Variants in SCAP observed in about 807,000 individuals in gnomAD.
The protein encoded by SCAP is SREBF chaperone.
Under a neutral mutation model 123.6 loss-of-function variants are expected in SCAP, and 65 were observed. The ratio of observed to expected loss-of-function variants is 0.53; its 90% CI spans 0.43 to 0.65. The LOEUF is 0.65. SCAP is among the 30% of genes least tolerant of loss of function. The pLI, the probability that SCAP is intolerant of heterozygous loss-of-function variation, is 0.00. For missense variants in SCAP, 1,398 were observed against 1,712.5 expected (o/e 0.82, Z 3.24); for synonymous variants, 740 against 726.3 (o/e 1.02, Z -0.30).
chr3:47,418,479 G>A lies in SCAP; in HGVS notation c.2173C>T (p.Leu725=). 1 of 1,600,838 alleles carries A rather than the reference G, an allele frequency of 6.2e-7. No individual in the cohort carries two copies. The highest frequency in any genetic ancestry group is 8.5e-7 in the Non-Finnish European group (1 of 1,175,602). ...GLATGIVLVL[L]LLCLYRVLCP... ...AGCACGCGGTAGAGGCAGAGCAGCAGCAGCACCAAGACGATGCCGGTGGCC... is the reference window on the plus strand; with the variant it reads ...AGCACGCGGTAGAGGCAGAGCAGCAACAGCACCAAGACGATGCCGGTGGCC... Residue 725 remains leucine, a synonymous_variant, in exon 15 of 23, where the codon CTG becomes TTG. Coordinates refer to ENST00000265565, the MANE Select transcript of SCAP (RefSeq NM_012235.4).
Position 47,442,852 on chromosome 3 carries a change from A to G in SCAP, c.122+20T>C. On this transcript the variant is annotated intron_variant, in intron 2 of 22. Coordinates refer to ENST00000265565, the MANE Select transcript of SCAP (RefSeq NM_012235.4). ...CCTAAGACACTGGCCCACCATATCC[A>G]AGGCAACCCAAAAACATACCAGCAG... The G allele has an allele frequency of 6.2e-7, 1 of 1,612,656 alleles. No homozygotes were observed. Among genetic ancestry groups the G allele is most frequent in the Non-Finnish European group, 8.5e-7 (1 of 1,178,676 alleles).
intron 1 of SCAP, among the ~76,000 whole-genome samples, chr3:47,461,821 G>T (rs1237673248): frequency 6.6e-6 from 1 of 152,066 alleles, no homozygotes; most frequent in Non-Finnish European, 1.5e-5. Flanking sequence ...ATCACTTCAG[G>T]TCAGGAGTTT....
At chr3:47,474,659 T>C (rs755528637) in intron 1 of SCAP, among the ~76,000 whole-genome samples, 43 of 152,148 alleles carry the variant, frequency 2.8e-4, no homozygotes, top group Admixed American at 1.6e-3. Flanking sequence ...TAGCCGGGCG[T>C]GGTGGCACAC....
intron 1 of SCAP, among the ~76,000 whole-genome samples, chr3:47,461,387 T>C (rs548354372): frequency 6.6e-6 from 1 of 152,370 alleles, no homozygotes; most frequent in African/African-American, 2.4e-5. Context: ...TAAGTAAAAC[T>C]TTCCAGCTAA....
At chr3:47,440,770 G>A (rs908306319) in intron 2 of SCAP, among the ~76,000 whole-genome samples, 2 of 152,154 alleles carry the variant, frequency 1.3e-5, no homozygotes, top group African/African-American at 2.4e-5. Flanking sequence ...TGAGGTAGGA[G>A]AATCACTTGA....
Position 47,466,963 on chromosome 3 carries a change from T to A in SCAP, c.-99+8836A>T, listed in dbSNP as rs184488392. 6.5e-4 allele frequency among the ~76,000 whole-genome samples: 98 copies of A among 151,906 alleles called. 1 individual carries two copies. The East Asian group carries it at 0.018, about 28-fold the overall frequency. On this transcript the variant is annotated intron_variant, in intron 1 of 22. Transcript: ENST00000265565. ...AAAAAATTAGCCAGGCATGGTGGTG[T>A]GCACCTGTAGTTTCAGCTACTTGAG...
intron 4 of SCAP, 51 bp from the exon 5 acceptor site, chr3:47,427,718 G>C (rs779768392): frequency 1.3e-6 from 2 of 1,510,494 alleles, no homozygotes; most frequent in Non-Finnish European, 1.8e-6. Context: ...CCACAGGGCA[G>C]ACCTGCTGTA....
intron 1 of SCAP, among the ~76,000 whole-genome samples, chr3:47,466,373 T>C (rs1017319614): frequency 3.3e-5 from 5 of 152,194 alleles, no homozygotes; most frequent in Non-Finnish European, 7.3e-5. Flanking sequence ...ATCAGTATGA[T>C]ACCTGGGTGT....
chr3:47,462,963 A>G (rs1344344031), intron 1 of SCAP, among the ~76,000 whole-genome samples: 2 of 151,618 alleles, frequency 1.3e-5, no homozygotes, highest in Admixed American at 1.3e-4. Context: ...TCCAATTCTC[A>G]TCTGTTTGCT....
chr3:47,453,393 A>C (rs923385736), intron 1 of SCAP, among the ~76,000 whole-genome samples: 6 of 12,932 alleles, frequency 4.6e-4, no homozygotes, highest in African/African-American at 5.5e-4. Flanking sequence ...AAAAATTTTT[A>C]ATGGAAAAAA....
At chr3:47,452,234 C>T (rs1707253194) in intron 1 of SCAP, among the ~76,000 whole-genome samples, 1 of 152,168 alleles carries the variant, frequency 6.6e-6, no homozygotes, top group South Asian at 2.1e-4. Context: ...TTTAATAGCA[C>T]TTGGCATGTT....
intron 2 of SCAP, among the ~76,000 whole-genome samples, chr3:47,438,479 T>C (rs1220932459): frequency 1.3e-5 from 2 of 152,136 alleles, no homozygotes; most frequent in Non-Finnish European, 2.9e-5. Context: ...AGCCATTCTT[T>C]ATTCCTTTAC....
intron 2 of SCAP, among the ~76,000 whole-genome samples, chr3:47,436,587 C>T (rs892270741): frequency 2.6e-5 from 4 of 151,836 alleles, no homozygotes; most frequent in Admixed American, 2.6e-4. Context: ...TGAGATCATG[C>T]CACTGTACTC....
Position 47,414,831 on chromosome 3 carries a change from AGT to A in SCAP, c.3300_3301del (p.Leu1101GlufsTer27). Reference sequence around the variant, plus strand: ...AAGAGACAAGACAATACTCACTCTCAGTGTGTGGTCTTGGCTCCCAGTCACCA... The same window carrying A: ...AAGAGACAAGACAATACTCACTCTCAGTGTGGTCTTGGCTCCCAGTCACCA... On this transcript the variant is annotated frameshift_variant, in exon 20 of 23. Transcript: ENST00000265565. LOFTEE classifies it high-confidence loss of function. The A allele has an allele frequency of 1.2e-6, 2 of 1,605,806 alleles. No individual in the cohort carries two copies. Among genetic ancestry groups the A allele is most frequent in the Non-Finnish European group, 1.7e-6 (2 of 1,176,420 alleles).
intron 1 of SCAP, among the ~76,000 whole-genome samples, chr3:47,457,305 A>T (rs1707463092): frequency 6.6e-6 from 1 of 152,186 alleles, no homozygotes; most frequent in Non-Finnish European, 1.5e-5. Context: ...AGCTGAAATT[A>T]AAAAATAATG....
intron 1 of SCAP, among the ~76,000 whole-genome samples, chr3:47,444,836 A>T (rs1302484401): frequency 2.0e-5 from 3 of 151,284 alleles, no homozygotes; most frequent in African/African-American, 4.9e-5. Context: ...CAGTGGCACA[A>T]TCTTGGCTCA....
chr3:47,464,407 C>T (rs758984252), intron 1 of SCAP, among the ~76,000 whole-genome samples: 2 of 151,586 alleles, frequency 1.3e-5, no homozygotes, highest in Admixed American at 6.6e-5. Flanking sequence ...ATTAAACATA[C>T]ATCTCAGATG....
intron 6 of SCAP, among the ~76,000 whole-genome samples, chr3:47,426,937 T>C (rs1275536848): frequency 6.6e-6 from 1 of 152,182 alleles, no homozygotes; most frequent in African/African-American, 2.4e-5. Flanking sequence ...CCGCCAGCCC[T>C]ACCTTAGTCC....
rs1705413956 is a variant in SCAP at position 47,413,724 on chromosome 3, A to G, written c.*130T>C. The G allele has an allele frequency of 7.7e-7, 1 of 1,294,992 alleles. No individual in the cohort carries two copies. The allele number at this position is 1,294,992 out of a possible 1,614,324, so 80.2% of individuals were successfully genotyped here. On this transcript the variant is annotated 3_prime_UTR_variant, in exon 23 of 23. Transcript: ENST00000265565. Reference sequence around the variant, plus strand: ...ACAGATGATGATATGGTTTTTTAAAAAAGTTTAATATTATTACAGTCAGGA... The same window carrying G: ...ACAGATGATGATATGGTTTTTTAAAGAAGTTTAATATTATTACAGTCAGGA...
Sources: allele counts gnomAD v4.1 joint callset (sites outside exome capture counted in the v4.1 genomes callset), GRCh38; gene constraint gnomAD v4.1.1; transcripts MANE v1.5; gene names NCBI Gene and HGNC (gene_info 2026-07-23, HGNC 2026-07-21).